TANK: variants seen among roughly 807,000 people sequenced by gnomAD.
The protein encoded by TANK is TRAF family member associated NFKB activator, also known as TRAF family member-associated NF-kappa-B activator.
A neutral mutation model predicts 43.6 loss-of-function variants in TANK; 15 were observed. That is an observed-to-expected ratio of 0.34 (90% CI 0.23 to 0.53). The LOEUF is 0.53. TANK is among the 20% of genes least tolerant of loss of function. The pLI, the probability that TANK is intolerant of heterozygous loss-of-function variation, is 0.94. For synonymous variants in TANK, 162 were observed against 178.2 expected, an observed-to-expected ratio of 0.91 and a Z score of 0.73; for missense variants, 417 against 498.6, an observed-to-expected ratio of 0.84 and a Z score of 1.56.
chr2:161,221,661 AC>A (rs1343541048), intron 4 of TANK, among the ~76,000 whole-genome samples: 1 of 149,020 alleles, frequency 6.7e-6, no homozygotes. Context: ...AAAACCGTTT[AC>A]TTTTTTTTTT....
intron 6 of TANK, among the ~76,000 whole-genome samples, chr2:161,225,663 G>A (rs1687577865): frequency 6.6e-6 from 1 of 152,138 alleles, no homozygotes; most frequent in Non-Finnish European, 1.5e-5. Flanking sequence ...TGTGATTTGA[G>A]CTATTCTGCA....
intron 1 of TANK, among the ~76,000 whole-genome samples, chr2:161,148,073 A>T (rs1202550215): frequency 1.3e-5 from 2 of 152,098 alleles, no homozygotes; most frequent in African/African-American, 4.8e-5. Flanking sequence ...TGGTAATTCT[A>T]TGTTTAGCAT....
intron 1 of TANK, chr2:161,162,401 A>G (rs952436267): frequency 6.6e-6 from 1 of 152,078 alleles, no homozygotes; most frequent in African/African-American, 2.4e-5. Flanking sequence ...TGTGACTGGT[A>G]TGTAGATGAG....
intron 1 of TANK, chr2:161,161,800 T>G (rs1391481438): frequency 2.5e-5 from 4 of 160,640 alleles, no homozygotes; most frequent in Middle Eastern, 2.9e-3. Context: ...CAAAATTATC[T>G]GTTTCTCATT....
chr2:161,138,817 C>T (rs1921307), intron 1 of TANK, among the ~76,000 whole-genome samples: 17,514 of 152,164 alleles, frequency 0.12, 1,740 homozygotes, highest in African/African-American at 0.26. Flanking sequence ...TTTCATGAAA[C>T]TTATGCACTA....
Position 161,178,906 on chromosome 2 carries a change from G to T in TANK, c.-49-708G>T, listed in dbSNP as rs1685295321. On this transcript the variant is annotated intron_variant, in intron 1 of 7. Coordinates refer to ENST00000392749, the MANE Select transcript of TANK (RefSeq NM_001199135.3). ...AATCAGAGTCATTAGTTAGCCTTCT[G>T]CTCAGAGCCAAGGAATGTCGTTAAG... is the stretch of plus-strand genomic sequence containing the variant. Among the ~76,000 whole-genome samples the T allele has an allele frequency of 2.0e-5, 3 of 152,078 alleles. No homozygotes were observed. In the South Asian group the frequency reaches 6.2e-4, roughly 31 times the overall value.
chr2:161,161,612 A>G, intron 1 of TANK: 2 of 835,268 alleles, frequency 2.4e-6, no homozygotes, highest in Non-Finnish European at 3.6e-6. Context: ...TGAAAATGAG[A>G]TTATGCATAC....
intron 1 of TANK, among the ~76,000 whole-genome samples, chr2:161,171,650 C>G (rs1045714832): frequency 3.9e-5 from 6 of 152,122 alleles, no homozygotes; most frequent in Non-Finnish European, 7.4e-5. Context: ...AAATTAGGCC[C>G]TTTTGTGAAA....
chr2:161,214,586 T>G (rs1687037198), intron 4 of TANK, among the ~76,000 whole-genome samples: 1 of 151,954 alleles, frequency 6.6e-6, no homozygotes, highest in South Asian at 2.1e-4. Flanking sequence ...TTAGTCATAC[T>G]CGGGCACCAG....
At chr2:161,180,546 G>T (rs1390365610) in intron 2 of TANK, among the ~76,000 whole-genome samples, 1 of 152,008 alleles carries the variant, frequency 6.6e-6, no homozygotes, top group African/African-American at 2.4e-5. Context: ...GTTTCCATAC[G>T]ATCAAAGTAA....
upstream of TANK, among the ~76,000 whole-genome samples, chr2:161,158,492 A>C (rs1322564791): frequency 6.6e-6 from 1 of 152,250 alleles, no homozygotes; most frequent in Non-Finnish European, 1.5e-5. Context: ...TCTCTTCAAG[A>C]CTACAACATC....
intron 4 of TANK, among the ~76,000 whole-genome samples, chr2:161,215,824 A>G (rs566127394): frequency 1.3e-5 from 2 of 152,174 alleles, no homozygotes; most frequent in Non-Finnish European, 2.9e-5. Flanking sequence ...TTGGTTAAGC[A>G]GTGTCTTGCT....
Position 161,194,629 on chromosome 2 carries a change from G to A in TANK, c.100-8858G>A, listed in dbSNP as rs551418125. 7.1e-4 allele frequency among the ~76,000 whole-genome samples: 108 copies of A among 152,168 alleles called. 1 individual carries two copies. Among genetic ancestry groups the A allele is most frequent in the African/African-American group, 2.4e-3 (100 of 41,512 alleles). On this transcript the variant is annotated intron_variant, in intron 2 of 7. Coordinates refer to ENST00000392749, the MANE Select transcript of TANK (RefSeq NM_001199135.3). ...CAATAAATGTTAAGCGATAAGGACCGTTTTGTTGTCAGATTGCTTTACTCA... is the reference window on the plus strand; with the variant it reads ...CAATAAATGTTAAGCGATAAGGACCATTTTGTTGTCAGATTGCTTTACTCA...
chr2:161,224,368 A>T (rs563092235), intron 5 of TANK, among the ~76,000 whole-genome samples: 31 of 152,214 alleles, frequency 2.0e-4, no homozygotes, highest in African/African-American at 7.2e-4. Context: ...AAGACAGCCA[A>T]CATTAGTGTA....
chr2:161,212,490 G>T (rs1051149992), intron 4 of TANK: 38 of 985,076 alleles, frequency 3.9e-5, no homozygotes, highest in Non-Finnish European at 4.5e-5. Flanking sequence ...TCCTGCTCTG[G>T]GTTTGTGTTT....
Position 161,172,783 on chromosome 2 carries a change from T to C in TANK, c.-49-6831T>C, listed in dbSNP as rs183601298. 2.7e-3 allele frequency among the ~76,000 whole-genome samples: 407 copies of C among 152,288 alleles called. 3 individuals are homozygous for C. Among genetic ancestry groups the C allele is most frequent in the South Asian group, 0.016 (79 of 4,830 alleles). On this transcript the variant is annotated intron_variant, in intron 1 of 7. Transcript: ENST00000392749. The stretch of plus-strand genomic sequence containing the variant: ...ACAGGTACCTGAATTGCTGCCCTCT[T>C]GTCTATTGTGCACATCCAGTCGGCC...
At chr2:161,197,406 C>A (rs775949834) in intron 2 of TANK, 1 of 152,178 alleles carries the variant, frequency 6.6e-6, no homozygotes, top group Non-Finnish European at 1.5e-5. Context: ...TAGGTTACAA[C>A]GAACTAGAAA....
At chr2:161,220,895 A>T (rs1210372273) in intron 4 of TANK, among the ~76,000 whole-genome samples, 2 of 152,186 alleles carry the variant, frequency 1.3e-5, no homozygotes, top group Admixed American at 1.3e-4. Flanking sequence ...CCTGATTTGG[A>T]CTAATGAAAT....
intron 1 of TANK, among the ~76,000 whole-genome samples, chr2:161,154,332 A>G (rs1464291450): frequency 6.6e-6 from 1 of 152,212 alleles, no homozygotes; most frequent in Non-Finnish European, 1.5e-5. Flanking sequence ...GAAGCCCAAA[A>G]TCACCAGGAA....
Sources: gnomAD v4.1 joint callset for allele counts (sites outside exome capture counted in the v4.1 genomes callset) on GRCh38, gnomAD v4.1.1 for gene constraint, MANE v1.5 for transcripts, NCBI Gene and HGNC (gene_info 2026-07-23, HGNC 2026-07-21) for gene names.